Variants in PDZK1 observed in about 807,000 individuals in gnomAD.
PDZK1 encodes the protein PDZ domain containing 1, also known as Na(+)/H(+) exchange regulatory cofactor NHE-RF3.
PDZK1 carries 23 observed loss-of-function variants against 38.1 expected under a neutral mutation model. The ratio of observed to expected loss-of-function variants is 0.60; its 90% confidence interval spans 0.43 to 0.85. The LOEUF is 0.85. Among genes scored for constraint, PDZK1 ranks in the 40% least tolerant of loss-of-function variants. The pLI, the probability that PDZK1 is intolerant of heterozygous loss-of-function variation, is 0.00. For missense variants in PDZK1, 297 were observed against 504.3 expected, an observed-to-expected ratio of 0.59 and a Z score of 3.94; for synonymous variants, 98 against 186.2, an observed-to-expected ratio of 0.53 and a Z score of 3.86.
At chr1:145,700,891 A>C (rs781844338) in intron 1 of PDZK1, among the ~76,000 whole-genome samples, 63 of 152,278 alleles carry the variant, frequency 4.1e-4, no homozygotes, top group Admixed American at 7.2e-4. Context: ...CACTCAATCC[A>C]TGAAAACACT....
chr1:145,687,325 C>T (rs1553701996), intron 2 of PDZK1, among the ~76,000 whole-genome samples: 1 of 150,272 alleles, frequency 6.7e-6, no homozygotes, highest in East Asian at 1.9e-4. Context: ...CGAGACCATC[C>T]TGGCTAACAC....
At position 145,694,065 on chromosome 1, in the gene PDZK1, A is replaced by G. The variant is rs753230588; in HGVS notation, c.-2-6042T>C. ...TCTGTTCCTTGTGCCTCCCTCCCCA[A>G]GTTCTAGTTCTGAGTCGGGGGAGCA... On this transcript the variant is annotated intron_variant, in intron 1 of 8. Coordinates refer to ENST00000417171, the MANE Select transcript of PDZK1 (RefSeq NM_001201325.2). Among the ~76,000 whole-genome samples the G allele has an allele frequency of 6.3e-4, 96 of 152,296 alleles. 2 individuals are homozygous for G. The highest frequency in any genetic ancestry group is 1.1e-3 in the Non-Finnish European group (73 of 68,012).
chr1:145,672,315 C>T (rs1223766351), intron 8 of PDZK1, among the ~76,000 whole-genome samples: 1 of 151,316 alleles, frequency 6.6e-6, no homozygotes, highest in Non-Finnish European at 1.5e-5. Context: ...TCTTAGTTAA[C>T]ATGATCCTGA....
intron 6 of PDZK1, chr1:145,674,134 G>A (rs1191064473): frequency 2.8e-5 from 27 of 974,098 alleles, no homozygotes; most frequent in African/African-American, 2.3e-4. Flanking sequence ...TATAGGATGC[G>A]GTACAAGGAT....
At chr1:145,683,336 A>G (rs1654442596) in intron 3 of PDZK1, among the ~76,000 whole-genome samples, 1 of 152,252 alleles carries the variant, frequency 6.6e-6, no homozygotes, top group Non-Finnish European at 1.5e-5. Context: ...CCCTTGAACC[A>G]GAAAGCGCTA....
At chr1:145,684,099 G>A (rs1342593979) in intron 3 of PDZK1, among the ~76,000 whole-genome samples, 3 of 151,064 alleles carry the variant, frequency 2.0e-5, no homozygotes, top group Non-Finnish European at 4.4e-5. Context: ...CACTCGCCTC[G>A]CACTCTCAAA....
chr1:145,677,008 C>G (rs1451781814), intron 6 of PDZK1, among the ~76,000 whole-genome samples: 1 of 152,152 alleles, frequency 6.6e-6, no homozygotes, highest in East Asian at 1.9e-4. Context: ...AGCTACTACC[C>G]CTCTCTTACA....
intron 4 of PDZK1, among the ~76,000 whole-genome samples, chr1:145,681,336 G>A (rs1413498507): frequency 1.4e-5 from 2 of 145,758 alleles, no homozygotes; most frequent in Non-Finnish European, 3.0e-5. Flanking sequence ...AGGCTGGAGT[G>A]CAGTGGCACT....
At chr1:145,693,255 G>A (rs150334034) in intron 1 of PDZK1, among the ~76,000 whole-genome samples, 41 of 152,246 alleles carry the variant, frequency 2.7e-4, no homozygotes, top group African/African-American at 8.4e-4. Context: ...TCTGTAGACC[G>A]TGTCAGGTGA....
chr1:145,674,363 T>C, intron 6 of PDZK1: 3 of 623,816 alleles, frequency 4.8e-6, no homozygotes, highest in South Asian at 1.4e-4. Flanking sequence ...ACAAGACACT[T>C]GTGATAGTTA....
chr1:145,696,176 T>G (rs1421863478), intron 1 of PDZK1, among the ~76,000 whole-genome samples: 1 of 152,222 alleles, frequency 6.6e-6, no homozygotes, highest in Non-Finnish European at 1.5e-5. Flanking sequence ...AACTGTGCTT[T>G]GGGCTCCTCT....
intron 1 of PDZK1, among the ~76,000 whole-genome samples, chr1:145,700,861 C>A (rs1406866598): frequency 6.6e-6 from 1 of 152,166 alleles, no homozygotes; most frequent in Admixed American, 6.5e-5. Context: ...CCTCTCCCCA[C>A]AAGGCACTTA....
Position 145,693,647 on chromosome 1 carries a change from G to A in PDZK1, c.-2-5624C>T, listed in dbSNP as rs60762832. On this transcript the variant is annotated intron_variant, in intron 1 of 8. Coordinates refer to ENST00000417171, the MANE Select transcript of PDZK1 (RefSeq NM_001201325.2). ...AAATTAGCCGGGCGTGGTGGCGGGC[G>A]CCTGTGGTCCCAGCTACTCGGGAGG... Among the ~76,000 whole-genome samples, 738 of 152,004 alleles carry A rather than the reference G, an allele frequency of 4.9e-3. 6 individuals are homozygous for A. Among genetic ancestry groups the A allele is most frequent in the African/African-American group, 0.017 (693 of 41,464 alleles).
chr1:145,680,598 C>T, intron 5 of PDZK1, among the ~76,000 whole-genome samples: 1 of 152,032 alleles, frequency 6.6e-6, no homozygotes, highest in Non-Finnish European at 1.5e-5. Context: ...GGAGTATTTA[C>T]ATCACAAAAT....
rs587739106 is a variant in PDZK1 at position 145,671,362 on chromosome 1, C to T, written c.*74G>A. The T allele has an allele frequency of 1.9e-6, 3 of 1,606,102 alleles. No homozygotes were observed. Among genetic ancestry groups the T allele is most frequent in the South Asian group, 2.2e-5 (2 of 90,578 alleles). On this transcript the variant is annotated 3_prime_UTR_variant, in exon 9 of 9. Coordinates refer to ENST00000417171, the MANE Select transcript of PDZK1 (RefSeq NM_001201325.2). ...GACAGTAAACAGGTCACAACTCATTCCTTGAGAAAGGATTCCTATTAAATA... is the reference window on the plus strand; with the variant it reads ...GACAGTAAACAGGTCACAACTCATTTCTTGAGAAAGGATTCCTATTAAATA...
rs1652998408 is a variant in PDZK1 at position 145,671,271 on chromosome 1, G to C, written c.*165C>G. The C allele has an allele frequency of 8.2e-7, 1 of 1,217,804 alleles. No individual in the cohort carries two copies. Among genetic ancestry groups the C allele is most frequent in the Non-Finnish European group, 1.1e-6 (1 of 904,632 alleles). The allele number at this position is 1,217,804 out of a possible 1,614,324, so 75.4% of individuals were successfully genotyped here. ...AGCCGTCTGCAATAGCCGCCTGTAA[G>C]ACAAATGATAACAGAAGACAATCAC... On this transcript the variant is annotated 3_prime_UTR_variant, in exon 9 of 9. Coordinates refer to ENST00000417171, the MANE Select transcript of PDZK1 (RefSeq NM_001201325.2).
chr1:145,696,422 A>T (rs1315771888), intron 1 of PDZK1, among the ~76,000 whole-genome samples: 2 of 152,318 alleles, frequency 1.3e-5, no homozygotes, highest in East Asian at 3.9e-4. Flanking sequence ...ATGTGACTAT[A>T]CTTGGAGACA....
chr1:145,704,194 A>G (rs1359076849), intron 1 of PDZK1, among the ~76,000 whole-genome samples: 1 of 152,178 alleles, frequency 6.6e-6, no homozygotes, highest in Non-Finnish European at 1.5e-5. Flanking sequence ...TCAGGTATGT[A>G]TTCAATACAA....
At chr1:145,675,605 A>AATT (rs1209084500) in intron 6 of PDZK1, among the ~76,000 whole-genome samples, 2 of 151,084 alleles carry the variant, frequency 1.3e-5, no homozygotes, top group Non-Finnish European at 2.9e-5. Flanking sequence ...AAATATGGAA[A>AATT]ATTATCAGGT....
Sources: allele counts gnomAD v4.1 joint callset (sites outside exome capture counted in the v4.1 genomes callset), GRCh38; gene constraint gnomAD v4.1.1; transcripts MANE v1.5; gene names NCBI Gene and HGNC (gene_info 2026-07-23, HGNC 2026-07-21).